The following CTNND2 variants were observed in gnomAD, a reference collection of about 807,000 sequenced individuals.
CTNND2 encodes catenin delta 2, also known as catenin delta-2.
Under a neutral mutation model 144.4 loss-of-function variants are expected in CTNND2, and 22 were observed. The ratio of observed to expected loss-of-function variants is 0.15; its 90% confidence interval spans 0.11 to 0.22. CTNND2 has a LOEUF of 0.22. CTNND2 is among the 10% of genes least tolerant of loss of function. CTNND2 has a pLI of 1.00. For missense variants in CTNND2, 1,353 were observed against 1,618.8 expected, an observed-to-expected ratio of 0.84 and a Z score of 2.82; for synonymous variants, 751 against 695.6, an observed-to-expected ratio of 1.08 and a Z score of -1.25.
chr5:11,721,778 AGAAT>A (rs1786701407), intron 2 of CTNND2, among the ~76,000 whole-genome samples: 1 of 152,260 alleles, frequency 6.6e-6, no homozygotes, highest in Non-Finnish European at 1.5e-5. Flanking sequence ...CTGGTTTCTA[AGAAT>A]GAGCATCTCA....
chr5:11,362,839 CT>C (rs997738315), intron 8 of CTNND2, among the ~76,000 whole-genome samples: 4 of 152,174 alleles, frequency 2.6e-5, no homozygotes, highest in Non-Finnish European at 5.9e-5. Context: ...CAAATTTTTC[CT>C]GTCAAGGGCC....
At chr5:11,568,179 T>C (rs67559255) in intron 2 of CTNND2, among the ~76,000 whole-genome samples, 23,768 of 152,170 alleles carry the variant, frequency 0.16, 2,597 homozygotes, top group East Asian at 0.44. Flanking sequence ...TCCTTTCAGA[T>C]GGTTCTTTCC....
At chr5:11,150,156 C>G (rs1421833373) in intron 12 of CTNND2, among the ~76,000 whole-genome samples, 2 of 152,172 alleles carry the variant, frequency 1.3e-5, no homozygotes, top group African/African-American at 4.8e-5. Flanking sequence ...CCCCACACTA[C>G]TGTTGAGTCA....
intron 3 of CTNND2, among the ~76,000 whole-genome samples, chr5:11,426,769 G>C (rs1379924096): frequency 6.6e-6 from 1 of 152,156 alleles, no homozygotes; most frequent in Non-Finnish European, 1.5e-5. Flanking sequence ...GAATTGAGGA[G>C]CCCTGTCATC....
intron 14 of CTNND2, among the ~76,000 whole-genome samples, chr5:11,106,639 C>T (rs929715084): frequency 6.6e-6 from 1 of 152,208 alleles, no homozygotes; most frequent in African/African-American, 2.4e-5. Context: ...GACAATGCTA[C>T]ACGATTTCAC....
At chr5:11,634,461 C>T (rs1366410434) in intron 2 of CTNND2, among the ~76,000 whole-genome samples, 7 of 152,078 alleles carry the variant, frequency 4.6e-5, no homozygotes, top group East Asian at 1.9e-4. Context: ...ATCTCAATCC[C>T]GTGCACGATT....
intron 11 of CTNND2, among the ~76,000 whole-genome samples, chr5:11,182,091 G>GTA (rs1735109152): frequency 7.2e-6 from 1 of 138,560 alleles, no homozygotes; most frequent in Non-Finnish European, 1.6e-5. Flanking sequence ...TATGTGTGGG[G>GTA]TGTGTGTGGA....
intron 1 of CTNND2, among the ~76,000 whole-genome samples, chr5:11,900,644 C>A (rs533070717): frequency 4.6e-5 from 7 of 152,312 alleles, no homozygotes; most frequent in Non-Finnish European, 1.0e-4. Flanking sequence ...ATTAACTTTT[C>A]ACACACCAGA....
chr5:11,780,974 T>C (rs1337038238), intron 1 of CTNND2, among the ~76,000 whole-genome samples: 1 of 152,182 alleles, frequency 6.6e-6, no homozygotes, highest in South Asian at 2.1e-4. Flanking sequence ...CCCGATAAAG[T>C]GCTATTTCCT....
chr5:11,331,073 C>G (rs957215887), intron 9 of CTNND2, among the ~76,000 whole-genome samples: 1 of 152,164 alleles, frequency 6.6e-6, no homozygotes. Context: ...AAATCCCATG[C>G]TTTGTATTTT....
intron 1 of CTNND2, among the ~76,000 whole-genome samples, chr5:11,832,478 A>T (rs1046738081): frequency 2.0e-5 from 3 of 152,166 alleles, no homozygotes; most frequent in Non-Finnish European, 4.4e-5. Context: ...ACAGAACAAC[A>T]CAACTAAAAA....
At chr5:11,519,916 A>G (rs536016777) in intron 3 of CTNND2, among the ~76,000 whole-genome samples, 24 of 151,990 alleles carry the variant, frequency 1.6e-4, no homozygotes, top group African/African-American at 5.5e-4. Flanking sequence ...ACACGGGCGG[A>G]TCACCTAAGG....
intron 2 of CTNND2, among the ~76,000 whole-genome samples, chr5:11,666,268 C>G (rs1178306588): frequency 6.6e-6 from 1 of 152,164 alleles, no homozygotes; most frequent in Non-Finnish European, 1.5e-5. Context: ...AGCTATGCAC[C>G]TTGGTCTAAG....
rs116762193 is a variant in CTNND2, at chr5:11,457,140, G to A, written c.288-45071C>T. 9.2e-3 allele frequency among the ~76,000 whole-genome samples: 1,401 copies of A among 152,152 alleles called. 21 individuals carry two copies. Among genetic ancestry groups the A allele is most frequent in the African/African-American group, 0.031 (1,278 of 41,526 alleles). ...TTGAGAGTGAGGTGAGGTGGCTCAC[G>A]TCTGTAATCCTTGCACTTTGAGAGG... On this transcript the variant is annotated intron_variant, in intron 3 of 21. Transcript: ENST00000304623.
chr5:11,509,957 G>A (rs1771475019), intron 3 of CTNND2, among the ~76,000 whole-genome samples: 1 of 151,996 alleles, frequency 6.6e-6, no homozygotes, highest in Non-Finnish European at 1.5e-5. Flanking sequence ...TTAGAGACAG[G>A]GTCTCGCTCT....
chr5:11,166,685 G>A (rs1052632096), intron 11 of CTNND2, among the ~76,000 whole-genome samples: 1 of 152,118 alleles, frequency 6.6e-6, no homozygotes, highest in Non-Finnish European at 1.5e-5. Flanking sequence ...AGTGTGTGGA[G>A]GTTGAATGAT....
At chr5:11,035,213 A>G (rs184671015) in intron 16 of CTNND2, among the ~76,000 whole-genome samples, 2 of 152,202 alleles carry the variant, frequency 1.3e-5, no homozygotes, top group Admixed American at 6.5e-5. Flanking sequence ...TGCAGGTTAG[A>G]AGTACAACAC....
At chr5:11,433,489 G>A (rs1045054480) in intron 3 of CTNND2, among the ~76,000 whole-genome samples, 2 of 152,158 alleles carry the variant, frequency 1.3e-5, no homozygotes, top group East Asian at 3.9e-4. Context: ...TAAAAAAAGA[G>A]ATTTAATTGG....
At position 11,159,532 on chromosome 5, in the gene CTNND2, CA is replaced by C. The variant is rs774322404; in HGVS notation, c.2159+43del. The C allele has an allele frequency of 3.3e-6, 5 of 1,499,752 alleles. No individual in the cohort carries two copies. In the African/African-American group the frequency reaches 6.9e-5, roughly 21 times the overall value. 92.9% of individuals were successfully genotyped at this position (1,499,752 alleles called of 1,614,324 possible). A position where few individuals can be genotyped will look rare whatever the true frequency, so the allele number is the denominator to read the frequency against. On this transcript the variant is annotated intron_variant, in intron 12 of 21. Coordinates refer to ENST00000304623, the MANE Select transcript of CTNND2 (RefSeq NM_001332.4). ...GTTATGGAAAGAGACAGTGTCTGGC[CA>C]GGGGAAGATGGTGGGAGGAGGCACT... is the stretch of plus-strand genomic sequence containing the variant.
Sources: allele counts gnomAD v4.1 joint callset (sites outside exome capture counted in the v4.1 genomes callset), GRCh38; gene constraint gnomAD v4.1.1; transcripts MANE v1.5; gene names NCBI Gene and HGNC (gene_info 2026-07-23, HGNC 2026-07-21).